The following CYP4X1 variants were observed in gnomAD, a reference collection of about 807,000 sequenced individuals.
CYP4X1 encodes cytochrome P450 4X1.
A neutral mutation model predicts 57.9 loss-of-function variants in CYP4X1; 44 were observed. The observed-to-expected ratio is 0.76, with a 90% CI of 0.60 to 0.98. CYP4X1 has a LOEUF of 0.98. Ranked by LOEUF, CYP4X1 falls within the 50% of genes least tolerant of loss-of-function variation. The pLI is 0.00. For synonymous variants in CYP4X1, 227 were observed against 228.6 expected (o/e 0.99, Z 0.06); for missense variants, 532 against 623.9 (o/e 0.85, Z 1.57).
chr1:47,047,662 C>T (rs975575033), intron 9 of CYP4X1, among the ~76,000 whole-genome samples: 7 of 152,094 alleles, frequency 4.6e-5, no homozygotes, highest in Admixed American at 3.3e-4. Context: ...AGTACAGTGG[C>T]GTAATCTCGG....
upstream of CYP4X1, among the ~76,000 whole-genome samples, chr1:47,019,307 C>T (rs1317641819): frequency 6.6e-6 from 1 of 152,086 alleles, no homozygotes; most frequent in South Asian, 2.1e-4. Flanking sequence ...CCTTCAGACC[C>T]CCAATAAACT....
chr1:47,003,633 C>G, the CYP4X1 span, among the ~76,000 whole-genome samples: 1 of 152,034 alleles, frequency 6.6e-6, no homozygotes, highest in African/African-American at 2.4e-5. Context: ...CATCACAGGG[C>G]AAAGCCAGGA....
At chr1:47,036,339 T>G (rs952724228) in intron 6 of CYP4X1, among the ~76,000 whole-genome samples, 168 bp downstream of exon 6, 2 of 144,790 alleles carry the variant, frequency 1.4e-5, no homozygotes, top group East Asian at 4.4e-4. Flanking sequence ...TATAAGACTT[T>G]GCTTCAACCA....
At chr1:46,977,201 C>A in the CYP4X1 span, among the ~76,000 whole-genome samples, 1 of 152,008 alleles carries the variant, frequency 6.6e-6, no homozygotes, top group Non-Finnish European at 1.5e-5. Flanking sequence ...ATGTTCAAAC[C>A]CATCACAAGG....
chr1:47,020,173 C>A (rs936899624), upstream of CYP4X1, among the ~76,000 whole-genome samples: 3 of 152,186 alleles, frequency 2.0e-5, no homozygotes, highest in Admixed American at 2.0e-4. Context: ...CCATTTTATG[C>A]TCTGTTCATG....
At chr1:46,983,854 C>T in the CYP4X1 span, among the ~76,000 whole-genome samples, 1 of 152,146 alleles carries the variant, frequency 6.6e-6, no homozygotes, top group Non-Finnish European at 1.5e-5. Flanking sequence ...GGGGTGGCTT[C>T]ACTGGGGTCC....
chr1:47,019,172 T>C (rs1012520960), upstream of CYP4X1, among the ~76,000 whole-genome samples: 3 of 152,214 alleles, frequency 2.0e-5, no homozygotes, highest in African/African-American at 7.2e-5. Flanking sequence ...AATCTATAAC[T>C]AAGAGCTGAG....
At chr1:46,962,229 G>C in the CYP4X1 span, among the ~76,000 whole-genome samples, 1 of 152,076 alleles carries the variant, frequency 6.6e-6, no homozygotes, top group Non-Finnish European at 1.5e-5. Context: ...TGATTCTCCT[G>C]CCTCAGCCTC....
At chr1:47,042,864 G>A (rs553660048) in intron 8 of CYP4X1, among the ~76,000 whole-genome samples, 1 of 152,106 alleles carries the variant, frequency 6.6e-6, no homozygotes, top group Non-Finnish European at 1.5e-5. Context: ...TGATTGATGG[G>A]CATTTGGACT....
chr1:47,009,783 T>C, the CYP4X1 span, among the ~76,000 whole-genome samples: 9 of 152,130 alleles, frequency 5.9e-5, no homozygotes, highest in African/African-American at 9.7e-5. Context: ...CTATAAACAC[T>C]TCTATGCAAA....
rs114998935 is a variant in CYP4X1 at position 47,037,645 on chromosome 1, G to T, written c.776-1015G>T. On this transcript the variant is annotated intron_variant, in intron 6 of 11. Transcript: ENST00000371901. Reference sequence around the variant, plus strand: ...CTACATCCCTGACATCTACCCACTCGATGTAGTAGAGCTCTGATAGTTATA... The same window carrying T: ...CTACATCCCTGACATCTACCCACTCTATGTAGTAGAGCTCTGATAGTTATA... 9.5e-3 allele frequency among the ~76,000 whole-genome samples: 1,439 copies of T among 152,150 alleles called. 11 individuals are homozygous for T. Among genetic ancestry groups the T allele is most frequent in the African/African-American group, 0.032 (1,345 of 41,516 alleles).
the CYP4X1 span, among the ~76,000 whole-genome samples, chr1:46,991,512 T>C: frequency 1.3e-5 from 2 of 152,234 alleles, no homozygotes; most frequent in Non-Finnish European, 2.9e-5. Context: ...CAGTTCCTCC[T>C]GCTGCAGTTA....
intron 9 of CYP4X1, among the ~76,000 whole-genome samples, chr1:47,047,778 T>C (rs188170312): frequency 2.0e-5 from 3 of 152,182 alleles, no homozygotes; most frequent in African/African-American, 7.2e-5. Flanking sequence ...TTTGTATTTT[T>C]ATTAGAGATG....
At chr1:46,993,180 G>A in the CYP4X1 span, among the ~76,000 whole-genome samples, 8 of 149,578 alleles carry the variant, frequency 5.3e-5, no homozygotes, top group East Asian at 1.4e-3. Flanking sequence ...AGAACATGCG[G>A]TGTTTGGTTT....
chr1:47,040,443 C>T (rs1012881471), intron 8 of CYP4X1, among the ~76,000 whole-genome samples: 1 of 152,114 alleles, frequency 6.6e-6, no homozygotes, highest in Admixed American at 6.6e-5. Context: ...AATTCAGCAG[C>T]ATGACCAGAT....
chr1:46,969,483 C>T, the CYP4X1 span, among the ~76,000 whole-genome samples: 1 of 152,176 alleles, frequency 6.6e-6, no homozygotes. Context: ...TAAACCAATG[C>T]TGAGAAAGGA....
chr1:46,976,486 T>G, the CYP4X1 span, among the ~76,000 whole-genome samples: 1 of 152,164 alleles, frequency 6.6e-6, no homozygotes, highest in Non-Finnish European at 1.5e-5. Flanking sequence ...CAATGAGGCC[T>G]GCCTGCCTCT....
Position 47,030,069 on chromosome 1 carries a change from C to G in CYP4X1, c.257C>G (p.Pro86Arg), listed in dbSNP as rs773293791. 1.2e-5 allele frequency: 20 copies of G among 1,613,834 alleles called. No individual in the cohort carries two copies. Among genetic ancestry groups the G allele is most frequent in the Admixed American group, 6.7e-5 (4 of 59,980 alleles). The change falls in exon 2 of 12, where the codon CCC becomes CGC. Residue 86 changes from proline (P) to arginine (R), a missense_variant. Coordinates refer to ENST00000371901, the MANE Select transcript of CYP4X1 (RefSeq NM_178033.2). ...YPRAFPFWIGPFQAFFCIYDP... is the reference protein window; with the variant it reads ...YPRAFPFWIGRFQAFFCIYDP... Reference sequence around the variant, plus strand: ...CGTGCCTTCCCTTTCTGGATTGGGCCCTTTCAGGCATTTTTCTGTATCTAT... The same window carrying G: ...CGTGCCTTCCCTTTCTGGATTGGGCGCTTTCAGGCATTTTTCTGTATCTAT...
the CYP4X1 span, among the ~76,000 whole-genome samples, chr1:46,966,482 C>T: frequency 3.9e-5 from 6 of 151,956 alleles, no homozygotes; most frequent in African/African-American, 1.5e-4. Flanking sequence ...TGGGTGGGGT[C>T]GTACAATCAG....
Sources: gnomAD v4.1 joint callset for allele counts (sites outside exome capture counted in the v4.1 genomes callset) on GRCh38, gnomAD v4.1.1 for gene constraint, MANE v1.5 for transcripts, NCBI Gene and HGNC (gene_info 2026-07-23, HGNC 2026-07-21) for gene names.